The following TBC1D19 variants were observed in gnomAD, a reference collection of about 807,000 sequenced individuals.
TBC1D19 encodes TBC1 domain family member 19.
TBC1D19 carries 60 observed loss-of-function variants against 89.0 expected under a neutral mutation model. The ratio of observed to expected loss-of-function variants is 0.67; its 90% CI spans 0.55 to 0.84. TBC1D19 has a LOEUF of 0.84. Among genes scored for constraint, TBC1D19 ranks in the 40% least tolerant of loss-of-function variants. TBC1D19 has a pLI of 0.00. For synonymous variants in TBC1D19, 189 were observed against 199.7 expected, an observed-to-expected ratio of 0.95 and a Z score of 0.45; for missense variants, 500 against 610.8, an observed-to-expected ratio of 0.82 and a Z score of 1.91.
At chr4:26,750,519 T>G (rs1197054940) in intron 19 of TBC1D19, among the ~76,000 whole-genome samples, 1 of 152,204 alleles carries the variant, frequency 6.6e-6, no homozygotes, top group East Asian at 1.9e-4. Context: ...ATTCTCTCAT[T>G]CTGTGCCTTA....
the TBC1D19 span, among the ~76,000 whole-genome samples, chr4:26,792,739 A>G: frequency 2.0e-5 from 3 of 152,228 alleles, no homozygotes; most frequent in East Asian, 1.9e-4. Flanking sequence ...ATCCCCCAGA[A>G]GAAACATACT....
At chr4:26,852,032 T>C in the TBC1D19 span, among the ~76,000 whole-genome samples, 1 of 152,044 alleles carries the variant, frequency 6.6e-6, no homozygotes, top group East Asian at 1.9e-4. Flanking sequence ...TCTGAATTCC[T>C]GGCCTCTATC....
intron 4 of TBC1D19, among the ~76,000 whole-genome samples, chr4:26,631,354 A>T (rs909568331): frequency 6.6e-6 from 1 of 151,978 alleles, no homozygotes; most frequent in African/African-American, 2.4e-5. Flanking sequence ...TATTATTTGT[A>T]TATCTGTCTT....
At chr4:26,772,817 T>A in the TBC1D19 span, among the ~76,000 whole-genome samples, 2 of 152,356 alleles carry the variant, frequency 1.3e-5, no homozygotes, top group Middle Eastern at 6.8e-3. Context: ...TATGGCTGCA[T>A]ACTTTCCATG....
the TBC1D19 span, among the ~76,000 whole-genome samples, chr4:26,828,054 C>T: frequency 6.6e-6 from 1 of 152,164 alleles, no homozygotes; most frequent in African/African-American, 2.4e-5. Context: ...GTCAGAACTC[C>T]CCAGCTCTGG....
chr4:26,635,950 TGAA>T (rs1193439390), intron 4 of TBC1D19, among the ~76,000 whole-genome samples: 3 of 152,132 alleles, frequency 2.0e-5, no homozygotes, highest in African/African-American at 4.8e-5. Context: ...ATGTGTGTGT[TGAA>T]GAAGCTATGA....
the TBC1D19 span, among the ~76,000 whole-genome samples, chr4:26,842,253 G>A: frequency 2.6e-5 from 4 of 151,368 alleles, no homozygotes; most frequent in African/African-American, 9.7e-5. Flanking sequence ...GGCAACTCAA[G>A]CTCAACATGT....
At chr4:26,737,810 T>A (rs931171448) in intron 16 of TBC1D19, among the ~76,000 whole-genome samples, 5 of 152,116 alleles carry the variant, frequency 3.3e-5, no homozygotes, top group Non-Finnish European at 7.4e-5. Context: ...ATAATACTTA[T>A]CTCTTTTAAA....
chr4:26,677,518 A>G (rs1350591590), intron 11 of TBC1D19, among the ~76,000 whole-genome samples: 1 of 151,926 alleles, frequency 6.6e-6, no homozygotes. Flanking sequence ...AGACAGGGTT[A>G]CACCATGTTA....
intron 15 of TBC1D19, among the ~76,000 whole-genome samples, chr4:26,723,952 G>A (rs1421852420): frequency 2.6e-5 from 4 of 152,220 alleles, no homozygotes; most frequent in Non-Finnish European, 5.9e-5. Flanking sequence ...AGCAGAAATT[G>A]TAGGAAGTTG....
chr4:26,783,242 G>T, the TBC1D19 span, among the ~76,000 whole-genome samples: 1 of 152,180 alleles, frequency 6.6e-6, no homozygotes, highest in Non-Finnish European at 1.5e-5. Context: ...CTGGTGTCAC[G>T]TGAAGGTCAG....
chr4:26,745,306 T>C (rs956449456), intron 18 of TBC1D19, among the ~76,000 whole-genome samples: 14 of 151,874 alleles, frequency 9.2e-5, no homozygotes, highest in African/African-American at 3.4e-4. Context: ...TTAATAAAAT[T>C]GATATTATTG....
chr4:26,620,311 G>A (rs771827537), intron 3 of TBC1D19, among the ~76,000 whole-genome samples: 4 of 151,968 alleles, frequency 2.6e-5, no homozygotes, highest in Admixed American at 6.6e-5. Flanking sequence ...ATTTTCTCAC[G>A]GCACTTACTG....
At chr4:26,677,677 G>A (rs1430022852) in intron 11 of TBC1D19, among the ~76,000 whole-genome samples, 2 of 152,048 alleles carry the variant, frequency 1.3e-5, no homozygotes, top group East Asian at 3.9e-4. Flanking sequence ...ATGTGTCATG[G>A]GAGGGACTAG....
chr4:26,836,001 C>CTCTCTCTCTCTCTT, the TBC1D19 span, among the ~76,000 whole-genome samples: 6 of 151,312 alleles, frequency 4.0e-5, no homozygotes, highest in African/African-American at 1.5e-4. Context: ...CTCTCTCTCT[C>CTCTCTCTCTCTCTT]TCTCTATCAC....
chr4:26,730,093 A>G (rs1717563284), intron 15 of TBC1D19, among the ~76,000 whole-genome samples: 1 of 152,184 alleles, frequency 6.6e-6, no homozygotes, highest in Non-Finnish European at 1.5e-5. Context: ...AACCATAGGT[A>G]AGAGTTTATT....
intron 8 of TBC1D19, among the ~76,000 whole-genome samples, chr4:26,661,259 T>C (rs1745207421): frequency 6.6e-6 from 1 of 152,088 alleles, no homozygotes; most frequent in South Asian, 2.1e-4. Context: ...AGCAATTAAG[T>C]GAAAGTCTGC....
At chr4:26,841,782 T>C in the TBC1D19 span, among the ~76,000 whole-genome samples, 3 of 152,302 alleles carry the variant, frequency 2.0e-5, no homozygotes, top group African/African-American at 2.4e-5. Context: ...TGTGTTCATT[T>C]CTTCTGACCA....
intron 15 of TBC1D19, among the ~76,000 whole-genome samples, chr4:26,734,463 C>T (rs1035990175): frequency 4.6e-5 from 7 of 152,124 alleles, no homozygotes; most frequent in African/African-American, 1.7e-4. Context: ...CTGTTTTGAA[C>T]TAAACTGTAC....
Sources: gnomAD v4.1 joint callset for allele counts (sites outside exome capture counted in the v4.1 genomes callset) on GRCh38, gnomAD v4.1.1 for gene constraint, MANE v1.5 for transcripts, NCBI Gene and HGNC (gene_info 2026-07-23, HGNC 2026-07-21) for gene names.